Variants in NLGN4X observed in about 807,000 individuals in gnomAD.
NLGN4X encodes the protein neuroligin 4 X-linked, also known as neuroligin-4, X-linked.
In NLGN4X, 3 loss-of-function variants were observed where a neutral mutation model predicts 40.3. That is an observed-to-expected ratio of 0.07 (90% CI 0.03 to 0.19). The LOEUF is 0.19. NLGN4X is among the 10% of genes least tolerant of loss of function. The pLI, the probability that NLGN4X is intolerant of heterozygous loss-of-function variation, is 1.00. For missense variants in NLGN4X, 382 were observed against 708.3 expected, an observed-to-expected ratio of 0.54 and a Z score of 5.23; for synonymous variants, 270 against 306.8, an observed-to-expected ratio of 0.88 and a Z score of 1.25.
chrX:6,226,484 T>G (rs1349442433), intron 1 of NLGN4X, among the ~76,000 whole-genome samples: 5 of 110,889 alleles, frequency 4.5e-5, no homozygotes, highest in African/African-American at 1.6e-4. Flanking sequence ...CCCCCGCCGC[T>G]CCGGGAAGAA....
chrX:6,221,129 C>G (rs1925646514), intron 1 of NLGN4X, among the ~76,000 whole-genome samples: 1 of 106,448 alleles, frequency 9.4e-6, no homozygotes, highest in Non-Finnish European at 1.9e-5. Context: ...CTTGCTCTGT[C>G]TCCCAGGCTG....
chrX:6,164,847 C>T (rs1161484229), intron 1 of NLGN4X, among the ~76,000 whole-genome samples: 1 of 111,413 alleles, frequency 9.0e-6, no homozygotes, highest in Non-Finnish European at 1.9e-5. Context: ...CTGAGAAGTT[C>T]CTATTTCGGT....
At chrX:6,017,900 A>G (rs1292560348) in intron 3 of NLGN4X, among the ~76,000 whole-genome samples, 1 of 111,859 alleles carries the variant, frequency 8.9e-6, no homozygotes, top group Middle Eastern at 4.2e-3. Flanking sequence ...AGTATGTTCA[A>G]TGTCAGCCAA....
intron 3 of NLGN4X, among the ~76,000 whole-genome samples, chrX:6,015,499 T>G (rs2036371140): frequency 9.0e-6 from 1 of 111,624 alleles, no homozygotes; most frequent in Non-Finnish European, 1.9e-5. Flanking sequence ...CCTTGTCCAT[T>G]TTCTATTGAC....
At chrX:6,160,377 T>A (rs758763072) in intron 1 of NLGN4X, among the ~76,000 whole-genome samples, 13 of 111,488 alleles carry the variant, frequency 1.2e-4, no homozygotes, top group Non-Finnish European at 2.4e-4. Flanking sequence ...GAATTGTACA[T>A]GAGGATTTGA....
At chrX:6,103,692 C>T (rs2038971412) in intron 2 of NLGN4X, among the ~76,000 whole-genome samples, 1 of 111,948 alleles carries the variant, frequency 8.9e-6, no homozygotes, top group South Asian at 3.7e-4. Flanking sequence ...AGTAGGACAC[C>T]TGATAACTGT....
intron 2 of NLGN4X, among the ~76,000 whole-genome samples, chrX:6,030,501 G>GTTT (rs199598122): frequency 7.7e-4 from 81 of 104,919 alleles, no homozygotes; most frequent in African/African-American, 2.2e-3. Flanking sequence ...CATCAATAAA[G>GTTT]TTTTTTTTTC....
At chrX:6,024,054 T>C (rs1345970839) in intron 3 of NLGN4X, among the ~76,000 whole-genome samples, 1 of 111,777 alleles carries the variant, frequency 8.9e-6, no homozygotes, top group Non-Finnish European at 1.9e-5. Flanking sequence ...GGAACTAAGA[T>C]GGAGAAAAGA....
At chrX:6,007,949 G>A (rs1175164978) in intron 3 of NLGN4X, among the ~76,000 whole-genome samples, 1 of 111,837 alleles carries the variant, frequency 8.9e-6, no homozygotes, top group Non-Finnish European at 1.9e-5. Flanking sequence ...AGTCTTCCAT[G>A]TCAGGATGCT....
At chrX:5,980,841 G>GTA (rs1410382884) in intron 3 of NLGN4X, among the ~76,000 whole-genome samples, 2 of 111,139 alleles carry the variant, frequency 1.8e-5, no homozygotes, top group Non-Finnish European at 3.8e-5. Flanking sequence ...AGCCCTCCAA[G>GTA]TATGTTCTAC....
intron 3 of NLGN4X, among the ~76,000 whole-genome samples, chrX:5,969,617 G>A (rs1410618055): frequency 1.8e-5 from 2 of 111,127 alleles, no homozygotes; most frequent in Admixed American, 9.6e-5. Flanking sequence ...TCAGTGTGGC[G>A]ATTTCTCAGG....
At chrX:6,168,131 C>A (rs1569277837) in intron 1 of NLGN4X, among the ~76,000 whole-genome samples, 2 of 112,269 alleles carry the variant, frequency 1.8e-5, no homozygotes, top group East Asian at 5.6e-4. Flanking sequence ...AATCCTCTGC[C>A]ATGACTGTTC....
chrX:6,170,798 G>C (rs1387265622), intron 1 of NLGN4X, among the ~76,000 whole-genome samples: 2 of 110,809 alleles, frequency 1.8e-5, no homozygotes, highest in Non-Finnish European at 3.8e-5. Flanking sequence ...ATTATCAATG[G>C]GCAACCACCA....
intron 2 of NLGN4X, among the ~76,000 whole-genome samples, chrX:6,079,151 T>G (rs2038282238): frequency 9.0e-6 from 1 of 111,628 alleles, no homozygotes; most frequent in Non-Finnish European, 1.9e-5. Flanking sequence ...AGTGTAAGAA[T>G]AGACTAATAT....
intron 3 of NLGN4X, among the ~76,000 whole-genome samples, chrX:5,965,701 T>C (rs969344092): frequency 1.9e-4 from 21 of 111,735 alleles, no homozygotes; most frequent in Admixed American, 1.7e-3. Flanking sequence ...CATATTCTCA[T>C]TGGATAAGAG....
chrX:6,143,985 T>G (rs1416478172), intron 2 of NLGN4X, among the ~76,000 whole-genome samples: 1 of 111,960 alleles, frequency 8.9e-6, no homozygotes, highest in Non-Finnish European at 1.9e-5. Context: ...AGTCTCAGCC[T>G]ATAGTCCCAG....
At chrX:6,042,730 T>TATATATACACACAC (rs1215396694) in intron 2 of NLGN4X, among the ~76,000 whole-genome samples, 25 of 20,152 alleles carry the variant, frequency 1.2e-3, no homozygotes, top group African/African-American at 2.5e-3. Context: ...TATATATATA[T>TATATATACACACAC]ACACACACAC....
chrX:6,072,012 C>G (rs976277633), intron 2 of NLGN4X, among the ~76,000 whole-genome samples: 1 of 110,593 alleles, frequency 9.0e-6, no homozygotes, highest in African/African-American at 3.3e-5. Flanking sequence ...ACAGCAAGCT[C>G]GGGTTCTTTT....
intron 2 of NLGN4X, among the ~76,000 whole-genome samples, chrX:6,035,758 C>T (rs1249375876): frequency 2.7e-5 from 3 of 111,696 alleles, no homozygotes; most frequent in Non-Finnish European, 5.6e-5. Context: ...CTCCCTCGTC[C>T]TCCTCAGCCT....
Sources: allele counts gnomAD v4.1 joint callset (sites outside exome capture counted in the v4.1 genomes callset), GRCh38; gene constraint gnomAD v4.1.1; transcripts MANE v1.5; gene names NCBI Gene and HGNC (gene_info 2026-07-23, HGNC 2026-07-21).